The following MAML3 variants were observed in gnomAD, a reference collection of about 807,000 sequenced individuals.
MAML3 encodes mastermind-like protein 3.
A neutral mutation model predicts 101.9 loss-of-function variants in MAML3; 27 were observed. That is an observed-to-expected ratio of 0.27 (90% CI 0.20 to 0.37). MAML3 has a LOEUF of 0.37. Ranked by LOEUF, MAML3 falls within the 10% of genes least tolerant of loss-of-function variation. The pLI, the probability that MAML3 is intolerant of heterozygous loss-of-function variation, is 1.00. For missense variants in MAML3, 1,316 were observed against 1,444.9 expected (o/e 0.91, Z 1.45); for synonymous variants, 501 against 555.9 (o/e 0.90, Z 1.39).
chr4:139,773,547 T>G (rs764661154), intron 2 of MAML3, among the ~76,000 whole-genome samples: 1 of 152,086 alleles, frequency 6.6e-6, no homozygotes, highest in Non-Finnish European at 1.5e-5. Flanking sequence ...TACAGAAAAA[T>G]AATTCCAACC....
At chr4:139,984,498 C>A (rs1267949151) in intron 1 of MAML3, among the ~76,000 whole-genome samples, 2 of 152,132 alleles carry the variant, frequency 1.3e-5, no homozygotes, top group Non-Finnish European at 2.9e-5. Flanking sequence ...TAGGCATCCA[C>A]TTATTATAGC....
At chr4:140,145,878 C>CTT (rs10625860) in intron 1 of MAML3, among the ~76,000 whole-genome samples, 1 of 108,476 alleles carries the variant, frequency 9.2e-6, no homozygotes, top group African/African-American at 3.5e-5. Flanking sequence ...TTTCTTTTTT[C>CTT]TTTTTTTTTT....
chr4:139,922,655 T>TC (rs1404091247), intron 1 of MAML3, among the ~76,000 whole-genome samples: 1 of 152,120 alleles, frequency 6.6e-6, no homozygotes, highest in Non-Finnish European at 1.5e-5. Context: ...CTTTTACTTC[T>TC]CCTTCTTTTT....
chr4:140,067,775 GCTGGCTGGAGTGCAACAGCACGAT>G (rs1727565995), intron 1 of MAML3, among the ~76,000 whole-genome samples: 1 of 148,018 alleles, frequency 6.8e-6, no homozygotes, highest in South Asian at 2.1e-4. Flanking sequence ...TGTTGCCCAG[GCTGGCTGGAGTGCAACAGCACGAT>G]CTCTGCTCAC....
At chr4:139,855,239 G>C (rs1430442285) in intron 2 of MAML3, among the ~76,000 whole-genome samples, 1 of 152,166 alleles carries the variant, frequency 6.6e-6, no homozygotes, top group African/African-American at 2.4e-5. Context: ...CCTATGCTAC[G>C]TGCTGGTGTA....
chr4:140,032,882 A>AGT, intron 1 of MAML3, among the ~76,000 whole-genome samples: 1 of 93,232 alleles, frequency 1.1e-5, no homozygotes. Context: ...TTGTTTGTAA[A>AGT]AAAAAAAAAA....
intron 1 of MAML3, among the ~76,000 whole-genome samples, chr4:140,109,293 C>T (rs577435469): frequency 6.6e-6 from 1 of 152,328 alleles, no homozygotes; most frequent in African/African-American, 2.4e-5. Context: ...CAACTCTATA[C>T]TCTATGCAGT....
intron 1 of MAML3, among the ~76,000 whole-genome samples, chr4:140,127,645 G>A (rs138420731): frequency 9.9e-4 from 150 of 152,284 alleles, no homozygotes; most frequent in African/African-American, 3.4e-3. Flanking sequence ...GCATCTTGGT[G>A]GTTTGCTAAT....
intron 1 of MAML3, among the ~76,000 whole-genome samples, chr4:140,120,065 G>A (rs1022475873): frequency 5.9e-5 from 9 of 151,614 alleles, no homozygotes; most frequent in East Asian, 5.8e-4. Flanking sequence ...GTGAAACCCC[G>A]TCTCTACTAA....
intron 2 of MAML3, among the ~76,000 whole-genome samples, chr4:139,865,498 T>G (rs75179809): frequency 1.2e-5 from 1 of 80,006 alleles, no homozygotes; most frequent in Non-Finnish European, 3.2e-5. Context: ...TTTTTTTTGT[T>G]TTTTTTTTTT....
chr4:139,762,129 G>A (rs571897640), intron 2 of MAML3, among the ~76,000 whole-genome samples: 201 of 152,262 alleles, frequency 1.3e-3, no homozygotes, highest in African/African-American at 4.6e-3. Flanking sequence ...ACTAGTCCCT[G>A]GCCTCTAGAA....
At chr4:139,820,204 A>G (rs1730952106) in intron 2 of MAML3, among the ~76,000 whole-genome samples, 3 of 149,478 alleles carry the variant, frequency 2.0e-5, no homozygotes, top group Non-Finnish European at 4.5e-5. Context: ...TGTGACCCGA[A>G]TGTCATAGAT....
intron 1 of MAML3, among the ~76,000 whole-genome samples, chr4:140,038,354 A>C (rs566553368): frequency 6.6e-6 from 1 of 152,218 alleles, no homozygotes; most frequent in African/African-American, 2.4e-5. Flanking sequence ...TGTGGCTCCA[A>C]AGAAAAATAT....
intron 1 of MAML3, among the ~76,000 whole-genome samples, chr4:140,083,932 G>GCACA (rs142768616): frequency 4.8e-5 from 6 of 125,926 alleles, no homozygotes; most frequent in African/African-American, 1.6e-4. Flanking sequence ...ACACACGCGC[G>GCACA]CACACACACA....
intron 1 of MAML3, among the ~76,000 whole-genome samples, chr4:139,981,910 G>A (rs976705080): frequency 5.9e-5 from 9 of 152,074 alleles, no homozygotes; most frequent in African/African-American, 1.4e-4. Context: ...GCATGATATC[G>A]ACATGATTTA....
chr4:140,064,020 C>CCTA (rs1438522058), intron 1 of MAML3, among the ~76,000 whole-genome samples: 3 of 152,182 alleles, frequency 2.0e-5, no homozygotes, highest in African/African-American at 7.2e-5. Context: ...TCTTCTTAGA[C>CCTA]CCCTTCTCCT....
intron 1 of MAML3, among the ~76,000 whole-genome samples, chr4:140,077,964 G>A (rs1727798684): frequency 6.6e-6 from 1 of 152,046 alleles, no homozygotes; most frequent in African/African-American, 2.4e-5. Context: ...GTTGCAGTGA[G>A]CCGAGATCGT....
At position 140,037,096 on chromosome 4, in the gene MAML3, T is replaced by C. The variant is rs147981884; in HGVS notation, c.468+115764A>G. ...TTTATATTAATTCACTGGTATCTTT[T>C]AGTCCACTGACGATCATATAACACA... On this transcript the variant is annotated intron_variant, in intron 1 of 4. Transcript: ENST00000509479. Among the ~76,000 whole-genome samples the C allele has an allele frequency of 5.9e-4, 90 of 152,294 alleles. 1 individual carries two copies. Among genetic ancestry groups the C allele is most frequent in the South Asian group, 3.7e-3 (18 of 4,832 alleles).
intron 1 of MAML3, among the ~76,000 whole-genome samples, chr4:140,099,822 T>C (rs1042350725): frequency 1.3e-5 from 2 of 152,224 alleles, no homozygotes; most frequent in Admixed American, 6.5e-5. Context: ...CCTGGACTAC[T>C]GCTCTCCGAC....
Sources: allele counts gnomAD v4.1 joint callset (sites outside exome capture counted in the v4.1 genomes callset), GRCh38; gene constraint gnomAD v4.1.1; transcripts MANE v1.5; gene names NCBI Gene and HGNC (gene_info 2026-07-23, HGNC 2026-07-21).